Variants in CDKL5 observed in about 807,000 individuals in gnomAD.
The protein encoded by CDKL5 is cyclin-dependent kinase-like 5.
In CDKL5, 8 loss-of-function variants were observed where a neutral mutation model predicts 61.7. The observed-to-expected ratio is 0.13, with a 90% CI of 0.08 to 0.23. The LOEUF is 0.23. Among genes scored for constraint, CDKL5 ranks in the 10% least tolerant of loss-of-function variants. The pLI is 1.00. For synonymous variants in CDKL5, 275 were observed against 272.3 expected, an observed-to-expected ratio of 1.01 and a Z score of -0.10; for missense variants, 440 against 734.5, an observed-to-expected ratio of 0.60 and a Z score of 4.63.
chrX:18,595,618 A>G (rs1050202966), intron 10 of CDKL5, among the ~76,000 whole-genome samples, 190 bp downstream of exon 10: 2 of 112,200 alleles, frequency 1.8e-5, no homozygotes, highest in African/African-American at 6.5e-5. Context: ...GTATTGTCAC[A>G]GTCCATCTAG....
intron 12 of CDKL5, among the ~76,000 whole-genome samples, chrX:18,605,590 A>C (rs1926336470): frequency 8.9e-6 from 1 of 112,073 alleles, no homozygotes; most frequent in Non-Finnish European, 1.9e-5. Flanking sequence ...TCTGTCTCAA[A>C]AACAAAAACA....
At chrX:18,513,783 T>G (rs1186970324) in intron 3 of CDKL5, among the ~76,000 whole-genome samples, 1 of 111,700 alleles carries the variant, frequency 9.0e-6, no homozygotes, top group Non-Finnish European at 1.9e-5. Context: ...TATACCCCAT[T>G]ATCCAAAAAT....
intron 1 of CDKL5, among the ~76,000 whole-genome samples, chrX:18,453,258 G>A (rs943935238): frequency 9.0e-6 from 1 of 111,610 alleles, no homozygotes; most frequent in Non-Finnish European, 1.9e-5. Flanking sequence ...GTCTGAAAGG[G>A]GTACTGTTTC....
chrX:18,652,678 A>C (rs1928104933), intron 21 of CDKL5, among the ~76,000 whole-genome samples: 1 of 111,377 alleles, frequency 9.0e-6, no homozygotes, highest in African/African-American at 3.3e-5. Flanking sequence ...CAAAAAAAAA[A>C]ACTAAGGGGA....
chrX:18,546,996 G>T (rs773908365), intron 3 of CDKL5, among the ~76,000 whole-genome samples: 5 of 111,810 alleles, frequency 4.5e-5, no homozygotes, highest in Non-Finnish European at 7.5e-5. Context: ...ACCTCCTTAG[G>T]TACTGCACCA....
intron 5 of CDKL5, among the ~76,000 whole-genome samples, chrX:18,577,429 A>T (rs770533329): frequency 1.8e-5 from 2 of 112,181 alleles, no homozygotes; most frequent in South Asian, 3.8e-4. Flanking sequence ...AGTGAGTCTC[A>T]GGAGAGCAAG....
At chrX:18,501,482 A>G (rs1244512676) in intron 1 of CDKL5, among the ~76,000 whole-genome samples, 1 of 109,644 alleles carries the variant, frequency 9.1e-6, no homozygotes, top group African/African-American at 3.3e-5. Context: ...CCTAATTCCC[A>G]GTTTTTATTA....
At chrX:18,530,591 A>G (rs1024843819) in intron 3 of CDKL5, among the ~76,000 whole-genome samples, 1 of 111,570 alleles carries the variant, frequency 9.0e-6, no homozygotes, top group Non-Finnish European at 1.9e-5. Flanking sequence ...TTCCTATTAG[A>G]GCCCTTAACA....
At chrX:18,614,317 T>A (rs1198065895) in intron 15 of CDKL5, among the ~76,000 whole-genome samples, 3 of 112,854 alleles carry the variant, frequency 2.7e-5, no homozygotes, top group Non-Finnish European at 5.6e-5. Flanking sequence ...AAATACACTT[T>A]TGCTGTATAA....
chrX:18,635,770 G>A lies in CDKL5; in HGVS notation c.*7013G>A. The A allele has an allele frequency of 4.5e-6, 1 of 222,207 alleles. No homozygotes were observed. Among genetic ancestry groups the A allele is most frequent in the Non-Finnish European group, 6.5e-6 (1 of 153,072 alleles). 18.3% of individuals were successfully genotyped at this position (222,207 alleles called of 1,213,427 possible). On this transcript the variant is annotated 3_prime_UTR_variant, in exon 18 of 18. Transcript: ENST00000623535. ...TAAGTGCTATGGAGAAAGCAAAGAT[G>A]CACAGCTTAATAAGGGTTTTTTGAT...
chrX:18,555,459 A>G (rs920631010), intron 3 of CDKL5, among the ~76,000 whole-genome samples: 9 of 112,287 alleles, frequency 8.0e-5, no homozygotes, highest in African/African-American at 1.3e-4. Flanking sequence ...GAATGATACT[A>G]TCAACTTCAG....
rs1414128245 is a variant in CDKL5, at chrX:18,636,537, A to G, written c.*7780A>G. 9.0e-6 allele frequency: 1 copy of G among 110,606 alleles called. No homozygotes were observed. The highest frequency in any genetic ancestry group is 1.9e-5 in the Non-Finnish European group (1 of 52,991). 9.1% of individuals were successfully genotyped at this position (110,606 alleles called of 1,213,427 possible). The stretch of plus-strand genomic sequence containing the variant: ...GCCGAATATGTTCATTGTAAAGCCC[A>G]TATACCCTTAAAAGTCACTGCACGT... On this transcript the variant is annotated 3_prime_UTR_variant, in exon 18 of 18. Coordinates refer to ENST00000623535, the MANE Select transcript of CDKL5 (RefSeq NM_001323289.2).
intron 1 of CDKL5, among the ~76,000 whole-genome samples, chrX:18,501,792 A>C (rs1418421429): frequency 1.8e-5 from 2 of 110,549 alleles, no homozygotes; most frequent in African/African-American, 6.6e-5. Context: ...CAGGTCATCT[A>C]CCTGCCTTGG....
intron 1 of CDKL5, 21 bp from the exon 2 acceptor site, chrX:18,506,914 A>G: frequency 2.3e-6 from 1 of 435,070 alleles, no homozygotes; most frequent in Non-Finnish European, 4.0e-6. Context: ...TACAGCTTTT[A>G]ATTGTGTTTG....
chrX:18,648,930 C>T (rs1186470861), intron 20 of CDKL5, among the ~76,000 whole-genome samples: 1 of 109,037 alleles, frequency 9.2e-6, no homozygotes, highest in Non-Finnish European at 1.9e-5. Context: ...CGTCTATAGT[C>T]CCAGCTACCG....
intron 1 of CDKL5, among the ~76,000 whole-genome samples, chrX:18,453,596 T>C (rs1382559814): frequency 2.7e-5 from 3 of 111,908 alleles, no homozygotes; most frequent in Non-Finnish European, 3.8e-5. Flanking sequence ...TTAGTGGATG[T>C]ATCATTAATG....
At chrX:18,539,453 C>T (rs187046352) in intron 3 of CDKL5, among the ~76,000 whole-genome samples, 1 of 112,120 alleles carries the variant, frequency 8.9e-6, no homozygotes, top group Non-Finnish European at 1.9e-5. Context: ...TTTGAGACTA[C>T]TTCTTTGACC....
chrX:18,479,420 C>T (rs755053316), intron 1 of CDKL5, among the ~76,000 whole-genome samples: 8 of 104,209 alleles, frequency 7.7e-5, no homozygotes, highest in African/African-American at 1.4e-4. Flanking sequence ...CCCAAGTTCA[C>T]GCCATTCTCC....
At chrX:18,580,851 A>G (rs774812042) in intron 6 of CDKL5, among the ~76,000 whole-genome samples, 23 of 112,287 alleles carry the variant, frequency 2.0e-4, no homozygotes, top group Non-Finnish European at 3.4e-4. Flanking sequence ...AGAATAGTTT[A>G]AAGGTCATAT....
Sources: gnomAD v4.1 joint callset for allele counts (sites outside exome capture counted in the v4.1 genomes callset) on GRCh38, gnomAD v4.1.1 for gene constraint, MANE v1.5 for transcripts, NCBI Gene and HGNC (gene_info 2026-07-23, HGNC 2026-07-21) for gene names.